The following RFLNA variants were observed in gnomAD, a reference collection of about 807,000 sequenced individuals.
RFLNA encodes the protein refilin-A.
A neutral mutation model predicts 7.8 loss-of-function variants in RFLNA; 5 were observed. The observed-to-expected ratio is 0.64, with a 90% CI of 0.34 to 1.35. RFLNA has a LOEUF of 1.35. RFLNA is among the 40% of genes most tolerant of loss of function. The pLI is 0.04. For synonymous variants in RFLNA, 141 were observed against 131.3 expected, an observed-to-expected ratio of 1.07 and a Z score of -0.50; for missense variants, 278 against 305.5, an observed-to-expected ratio of 0.91 and a Z score of 0.67.
In RFLNA at chr12:124,315,500, C is replaced by T. The variant is rs905653442; in HGVS notation, c.*975C>T. 6.6e-6 allele frequency: 1 copy of T among 152,306 alleles called. No individual in the cohort carries two copies. The highest frequency in any genetic ancestry group is 1.5e-5 in the Non-Finnish European group (1 of 68,080). The allele number at this position is 152,306 out of a possible 1,614,324, so 9.4% of individuals were successfully genotyped here. On this transcript the variant is annotated 3_prime_UTR_variant, in exon 3 of 3. Transcript: ENST00000546355. ...GGGCTGCCGCCCTCAGCCTGCATTC[C>T]TGTGCGCAATCGATTCCGCAATGAC...
Position 124,300,582 on chromosome 12 carries a change from G to GGATA in RFLNA, c.207+4954_207+4957dup, listed in dbSNP as rs540586713. ...GGGAAGGATGGATGGATGGATGGATGGATAGATAGATGGATGGATGGATGG... is the reference window on the plus strand; with the variant it reads ...GGGAAGGATGGATGGATGGATGGATGGATAGATAGATAGATGGATGGATGGATGG... On this transcript the variant is annotated intron_variant, in intron 1 of 2. Coordinates refer to ENST00000546355, the MANE Select transcript of RFLNA (RefSeq NM_001365156.1). 4.6e-5 allele frequency among the ~76,000 whole-genome samples: 7 copies of GGATA among 151,756 alleles called. No homozygotes were observed. In the South Asian group the frequency reaches 8.3e-4, roughly 18 times the overall value.
chr12:124,306,838 A>T lies in RFLNA; in HGVS notation c.208-4980A>T, dbSNP rs1384040915. On this transcript the variant is annotated intron_variant, in intron 1 of 2. Coordinates refer to ENST00000546355, the MANE Select transcript of RFLNA (RefSeq NM_001365156.1). The surrounding 1 kb of genome is among the most constrained non-coding windows in gnomAD (Gnocchi z 5.2). ...GGACAGATGTAGGAGATATCAAGCTAGGTCCCTGCAGGACTTGGCTCTGAG... is the reference window on the plus strand; with the variant it reads ...GGACAGATGTAGGAGATATCAAGCTTGGTCCCTGCAGGACTTGGCTCTGAG... Among the ~76,000 whole-genome samples, 1 of 152,102 alleles carries T rather than the reference A, an allele frequency of 6.6e-6. No individual in the cohort carries two copies. Among genetic ancestry groups the T allele is most frequent in the Non-Finnish European group, 1.5e-5 (1 of 67,996 alleles).
chr12:124,311,786 G>GCAT lies in RFLNA; in HGVS notation c.208-31_208-29dup, dbSNP rs1201497488. On this transcript the variant is annotated intron_variant, in intron 1 of 2. Transcript: ENST00000546355. ...GCTGAGGCCACTGCAACAAGGGGCT[G>GCAT]CATAACCCCGTGTCCCTGGCTCTCC... 3 of 1,522,008 alleles carry GCAT rather than the reference G, an allele frequency of 2.0e-6. No individual in the cohort carries two copies. The Admixed American group carries it at 6.0e-5, about 30-fold the overall frequency. 94.3% of individuals were successfully genotyped at this position (1,522,008 alleles called of 1,614,324 possible). A position where few individuals can be genotyped will look rare whatever the true frequency, so the allele number is the denominator to read the frequency against.
intron 1 of RFLNA, among the ~76,000 whole-genome samples, chr12:124,303,202 C>T (rs1457328850): frequency 1.3e-5 from 2 of 152,240 alleles, no homozygotes; most frequent in African/African-American, 4.8e-5. Flanking sequence ...CTCTCGACAA[C>T]AGAGCGGCTA....
intron 2 of RFLNA, 93 bp from the exon 3 acceptor site, chr12:124,314,099 T>G (rs1313922969): frequency 6.8e-7 from 1 of 1,462,084 alleles, no homozygotes; most frequent in Non-Finnish European, 9.2e-7. Context: ...CTTCAGAGCA[T>G]CTGCCCAGGG....
Position 124,306,875 on chromosome 12 carries a change from C to T in RFLNA, c.208-4943C>T, listed in dbSNP as rs898376337. ...GACTTGGCTCTGAGTTCACAGTTCC[C>T]GCCCAGCCCGATGTCCACCCTCCAC... On this transcript the variant is annotated intron_variant, in intron 1 of 2. Coordinates refer to ENST00000546355, the MANE Select transcript of RFLNA (RefSeq NM_001365156.1). This position sits in a 1 kb window ranked among gnomAD's most constrained non-coding sequence, Gnocchi z 5.2. Among the ~76,000 whole-genome samples, 4 of 152,088 alleles carry T rather than the reference C, an allele frequency of 2.6e-5. No individual in the cohort carries two copies. The highest frequency in any genetic ancestry group is 2.9e-5 in the Non-Finnish European group (2 of 68,018).
chr12:124,295,890 TGTCA>T (rs1166825068), intron 1 of RFLNA, among the ~76,000 whole-genome samples: 3 of 151,446 alleles, frequency 2.0e-5, no homozygotes, highest in African/African-American at 7.3e-5. Context: ...TTCTTCCTAT[TGTCA>T]GTAATAATGG....
At chr12:124,292,879 TAA>T (rs1185385987), upstream of RFLNA, among the ~76,000 whole-genome samples, 1 of 152,232 alleles carries the variant, frequency 6.6e-6, no homozygotes, top group Non-Finnish European at 1.5e-5. Flanking sequence ...TGCAATGTTT[TAA>T]AAGTCAAAAT....
chr12:124,304,048 G>A (rs974723491), intron 1 of RFLNA, among the ~76,000 whole-genome samples: 6 of 152,244 alleles, frequency 3.9e-5, no homozygotes, highest in South Asian at 4.1e-4. Context: ...CTGGAAAGTC[G>A]GACTTCAGGG....
chr12:124,300,663 G>C (rs2034012403), intron 1 of RFLNA, among the ~76,000 whole-genome samples: 1 of 151,296 alleles, frequency 6.6e-6, no homozygotes, highest in African/African-American at 2.4e-5. Context: ...TGGGCAAATA[G>C]ATAGAAGGAT....
chr12:124,305,680 T>C (rs1240644547), intron 1 of RFLNA, among the ~76,000 whole-genome samples: 1 of 152,184 alleles, frequency 6.6e-6, no homozygotes, highest in Non-Finnish European at 1.5e-5. Flanking sequence ...GTTCTCTGAC[T>C]CTGACCCCCT....
intron 1 of RFLNA, among the ~76,000 whole-genome samples, chr12:124,298,295 G>C (rs547096356): frequency 6.6e-6 from 1 of 152,022 alleles, no homozygotes; most frequent in African/African-American, 2.4e-5. Flanking sequence ...CATTAAAGAG[G>C]CCCCCCCACT....
rs371915416 is a variant in RFLNA, at chr12:124,306,620, G to C, written c.208-5198G>C. Among the ~76,000 whole-genome samples the C allele has an allele frequency of 2.0e-4, 30 of 152,300 alleles. 1 individual carries two copies. In the South Asian group the frequency reaches 3.5e-3, roughly 18 times the overall value. On this transcript the variant is annotated intron_variant, in intron 1 of 2. Coordinates refer to ENST00000546355, the MANE Select transcript of RFLNA (RefSeq NM_001365156.1). This position sits in a 1 kb window ranked among gnomAD's most constrained non-coding sequence, Gnocchi z 5.2. ...TCCAGCTGTGTGGCCTTGGGCAAAT[G>C]ACTTAGCCACTCTGGGCCTCGGTTT...
At chr12:124,308,676 C>A (rs868808858) in intron 1 of RFLNA, among the ~76,000 whole-genome samples, 9 of 152,372 alleles carry the variant, frequency 5.9e-5, no homozygotes, top group African/African-American at 2.2e-4. Context: ...CATTTTCACA[C>A]AGGCAGACAG....
chr12:124,294,444 A>C (rs2033869317), upstream of RFLNA, among the ~76,000 whole-genome samples: 1 of 152,214 alleles, frequency 6.6e-6, no homozygotes, highest in Non-Finnish European at 1.5e-5. Flanking sequence ...ATAAGAAAAC[A>C]GTAAGGAAGG....
chr12:124,297,250 A>G (rs1049265274), intron 1 of RFLNA, among the ~76,000 whole-genome samples: 2 of 152,166 alleles, frequency 1.3e-5, no homozygotes, highest in Non-Finnish European at 2.9e-5. Flanking sequence ...GGCTGCCGCA[A>G]GAATAGCATG....
Position 124,295,197 on chromosome 12 carries a change from G to A in RFLNA, c.-233G>A, listed in dbSNP as rs2033884065. 6.7e-6 allele frequency: 1 copy of A among 148,966 alleles called. No homozygotes were observed. The highest frequency in any genetic ancestry group is 2.4e-5 in the African/African-American group (1 of 41,026). The allele number at this position is 148,966 out of a possible 1,614,324, so 9.2% of individuals were successfully genotyped here. ...GCCCGGCGGGCGGGAGCCGCGGAGG[G>A]CGGAGGGCGGAGGGCGGCGGCGCTG... is the stretch of plus-strand genomic sequence containing the variant. On this transcript the variant is annotated 5_prime_UTR_variant, in exon 1 of 3. Transcript: ENST00000546355.
chr12:124,304,383 T>C (rs1276770542), intron 1 of RFLNA, among the ~76,000 whole-genome samples: 1 of 152,180 alleles, frequency 6.6e-6, no homozygotes, highest in South Asian at 2.1e-4. Flanking sequence ...GGGTGGACTT[T>C]AGGTGTTTTT....
At chr12:124,301,956 G>A (rs994836573) in intron 1 of RFLNA, among the ~76,000 whole-genome samples, 3 of 152,136 alleles carry the variant, frequency 2.0e-5, no homozygotes, top group African/African-American at 4.8e-5. Context: ...AGCTGACGGC[G>A]GGGGCACGCT....
Sources: gnomAD v4.1 joint callset for allele counts (sites outside exome capture counted in the v4.1 genomes callset) on GRCh38, gnomAD v4.1.1 for gene constraint, Gnocchi (gnomAD v3.1) non-coding constraint, MANE v1.5 for transcripts, NCBI Gene and HGNC (gene_info 2026-07-23, HGNC 2026-07-21) for gene names.